The following ZNF609 variants were observed in gnomAD, a reference collection of about 807,000 sequenced individuals.
ZNF609 encodes zinc finger protein 609.
ZNF609 carries 11 observed loss-of-function variants against 109.5 expected under a neutral mutation model. That is an observed-to-expected ratio of 0.10 (90% CI 0.06 to 0.17). The LOEUF (loss-of-function observed/expected upper bound fraction) is 0.17, where lower values mean the gene tolerates loss of function less well. ZNF609 is among the 10% of genes least tolerant of loss of function. The probability of loss-of-function intolerance (pLI) is 1.00; values close to 1 mark genes in which losing one functional copy is unlikely to be tolerated. For missense variants in ZNF609, 1,559 were observed against 1,772.4 expected, an observed-to-expected ratio of 0.88 and a Z score of 2.16; for synonymous variants, 646 against 662.0, an observed-to-expected ratio of 0.98 and a Z score of 0.37.
intron 2 of ZNF609, chr15:64,528,570 T>G (rs1894007133): frequency 1.7e-6 from 1 of 601,504 alleles, no homozygotes; most frequent in Non-Finnish European, 3.0e-6. Context: ...GGAGGGGAGA[T>G]TCAGCTTGGT....
chr15:64,601,667 A>G (rs549797060), intron 2 of ZNF609, among the ~76,000 whole-genome samples: 2 of 152,342 alleles, frequency 1.3e-5, no homozygotes, highest in South Asian at 2.1e-4. Context: ...GAATTTTCAC[A>G]CAGTGATCCT....
At chr15:64,569,332 C>G (rs1197694219) in intron 2 of ZNF609, among the ~76,000 whole-genome samples, 1 of 152,082 alleles carries the variant, frequency 6.6e-6, no homozygotes, top group Non-Finnish European at 1.5e-5. Context: ...GTTTGGTTTC[C>G]CTTATTCTCA....
Position 64,481,319 on chromosome 15 carries a change from C to CTTTTTTT in ZNF609, c.-127-17962_-127-17956dup, listed in dbSNP as rs889184379. On this transcript the variant is annotated intron_variant, in intron 1 of 9. Coordinates refer to ENST00000326648, the MANE Select transcript of ZNF609 (RefSeq NM_015042.2). The stretch of plus-strand genomic sequence containing the variant: ...GAGAAGAAAGGCATCTTTCTTTTTT[C>CTTTTTTT]TTTTTTTTTTTTTTTTTTGAGACGG... Among the ~76,000 whole-genome samples the CTTTTTTT allele has an allele frequency of 5.8e-3, 734 of 127,124 alleles. 7 individuals are homozygous for CTTTTTTT. Among genetic ancestry groups the CTTTTTTT allele is most frequent in the African/African-American group, 0.021 (677 of 32,968 alleles). 83.4% of individuals were successfully genotyped at this position (127,124 alleles called of 152,430 possible). A position where few individuals can be genotyped will look rare whatever the true frequency, so the allele number is the denominator to read the frequency against.
intron 2 of ZNF609, among the ~76,000 whole-genome samples, chr15:64,526,487 A>T (rs1017050411): frequency 6.6e-6 from 1 of 152,202 alleles, no homozygotes; most frequent in African/African-American, 2.4e-5. Context: ...TACAATGTTG[A>T]ATAGAAGTGG....
At chr15:64,484,481 G>C (rs1003871550) in intron 1 of ZNF609, among the ~76,000 whole-genome samples, 4 of 151,082 alleles carry the variant, frequency 2.6e-5, no homozygotes, top group Non-Finnish European at 5.9e-5. Context: ...TTCCGGGCCA[G>C]CCTGGCCAAC....
At chr15:64,603,505 G>T (rs1284101410) in intron 2 of ZNF609, among the ~76,000 whole-genome samples, 4 of 151,552 alleles carry the variant, frequency 2.6e-5, no homozygotes, top group Non-Finnish European at 5.9e-5. Context: ...CTGACCTCAG[G>T]TGATCTGCCT....
chr15:64,525,260 T>A (rs1411900260), intron 2 of ZNF609, among the ~76,000 whole-genome samples: 1 of 152,176 alleles, frequency 6.6e-6, no homozygotes, highest in Non-Finnish European at 1.5e-5. Flanking sequence ...TTCTATATGG[T>A]GTGAAGTAGG....
chr15:64,481,640 C>T (rs1048645273), intron 1 of ZNF609, among the ~76,000 whole-genome samples: 2 of 151,868 alleles, frequency 1.3e-5, no homozygotes, highest in African/African-American at 2.4e-5. Flanking sequence ...AAGAAGAAGG[C>T]ATTTCTAAAA....
At chr15:64,552,941 A>C (rs535168272) in intron 2 of ZNF609, among the ~76,000 whole-genome samples, 87 of 152,254 alleles carry the variant, frequency 5.7e-4, no homozygotes, top group African/African-American at 2.0e-3. Flanking sequence ...AAGGCATTGC[A>C]CTCAGCCAAA....
intron 1 of ZNF609, among the ~76,000 whole-genome samples, chr15:64,484,723 C>A (rs949262283): frequency 5.0e-5 from 7 of 139,962 alleles, no homozygotes; most frequent in African/African-American, 1.9e-4. Context: ...TGCCTGTAAT[C>A]CCAGCACTTT....
At chr15:64,651,077 T>G (rs1251490680) in intron 3 of ZNF609, among the ~76,000 whole-genome samples, 2 of 152,126 alleles carry the variant, frequency 1.3e-5, no homozygotes, top group Non-Finnish European at 2.9e-5. Flanking sequence ...ATAAGTTGAT[T>G]TACAGACCCA....
chr15:64,469,102 A>G (rs544277275), intron 1 of ZNF609, among the ~76,000 whole-genome samples: 1 of 150,482 alleles, frequency 6.6e-6, no homozygotes, highest in Admixed American at 6.7e-5. Context: ...TGTCTCTACT[A>G]AAAGTACAAA....
At chr15:64,671,610 A>G (rs978367699) in intron 4 of ZNF609, among the ~76,000 whole-genome samples, 1 of 152,174 alleles carries the variant, frequency 6.6e-6, no homozygotes, top group African/African-American at 2.4e-5. Flanking sequence ...ATTTCAATCA[A>G]TGGCCCCTTA....
At chr15:64,633,697 A>C (rs1266900626) in intron 3 of ZNF609, among the ~76,000 whole-genome samples, 2 of 152,186 alleles carry the variant, frequency 1.3e-5, no homozygotes, top group Non-Finnish European at 2.9e-5. Context: ...TGCAAGGCCC[A>C]AAATATTTGT....
rs149215104 is a variant in ZNF609, at chr15:64,580,160, G to A, written c.748-42667G>A. On this transcript the variant is annotated intron_variant, in intron 2 of 9. Transcript: ENST00000326648. ...TGGTATACTACTTAGTTTGAAGATG[G>A]AGGGAGGGGATGAGCCAAGGAATTT... Among the ~76,000 whole-genome samples the A allele has an allele frequency of 3.4e-3, 514 of 152,292 alleles. 4 individuals are homozygous for A. The highest frequency in any genetic ancestry group is 0.012 in the African/African-American group (496 of 41,574).
intron 3 of ZNF609, among the ~76,000 whole-genome samples, chr15:64,624,254 T>C (rs1895920152): frequency 1.3e-5 from 2 of 152,118 alleles, no homozygotes; most frequent in Admixed American, 1.3e-4. Context: ...GCAGAGAAGG[T>C]AGAGAGAGAG....
intron 2 of ZNF609, among the ~76,000 whole-genome samples, chr15:64,542,315 C>T (rs1487152484): frequency 6.6e-6 from 1 of 152,080 alleles, no homozygotes; most frequent in Admixed American, 6.6e-5. Flanking sequence ...CGTAATTTTG[C>T]CTGAATCTAT....
intron 2 of ZNF609, among the ~76,000 whole-genome samples, chr15:64,525,949 C>G (rs1297078258): frequency 6.6e-6 from 1 of 151,892 alleles, no homozygotes; most frequent in Non-Finnish European, 1.5e-5. Context: ...CCACTAAGCC[C>G]AGCTAATTTT....
intron 2 of ZNF609, among the ~76,000 whole-genome samples, chr15:64,552,333 A>G (rs1894496264): frequency 6.6e-6 from 1 of 152,040 alleles, no homozygotes; most frequent in Non-Finnish European, 1.5e-5. Flanking sequence ...TAATTTTTAT[A>G]TATGTTGCAA....
Sources: allele counts gnomAD v4.1 joint callset (sites outside exome capture counted in the v4.1 genomes callset), GRCh38; gene constraint gnomAD v4.1.1; transcripts MANE v1.5; gene names NCBI Gene and HGNC (gene_info 2026-07-23, HGNC 2026-07-21).